SHISA9: variants seen among roughly 807,000 people sequenced by gnomAD.
SHISA9 encodes the protein protein shisa-9.
In SHISA9, 13 loss-of-function variants were observed where a neutral mutation model predicts 38.0. The observed-to-expected ratio is 0.34, with a 90% CI of 0.22 to 0.54. The LOEUF (loss-of-function observed/expected upper bound fraction) is 0.54, where lower values mean the gene tolerates loss of function less well. SHISA9 is among the 20% of genes least tolerant of loss of function. The pLI is 0.91. For synonymous variants in SHISA9, 275 were observed against 242.0 expected (o/e 1.14, Z -1.27); for missense variants, 538 against 575.8 (o/e 0.93, Z 0.67).
the SHISA9 span, among the ~76,000 whole-genome samples, chr16:13,449,855 G>A: frequency 6.6e-6 from 1 of 152,182 alleles, no homozygotes; most frequent in African/African-American, 2.4e-5. Context: ...TGTGGCTCAT[G>A]CCTGTAATCC....
intron 2 of SHISA9, among the ~76,000 whole-genome samples, chr16:13,019,939 C>T (rs1470073939): frequency 8.8e-5 from 8 of 90,672 alleles, no homozygotes; most frequent in Non-Finnish European, 1.7e-4. Context: ...TTCTTTCTTT[C>T]TTTCTTTCTT....
intron 2 of SHISA9, among the ~76,000 whole-genome samples, chr16:13,045,597 T>TGAGGGAGAGGGAGAGGGAGAGGGA (rs56045222): frequency 2.1e-5 from 3 of 143,632 alleles, no homozygotes; most frequent in Admixed American, 1.4e-4. Flanking sequence ...TTACAGATGA[T>TGAGGGAGAGGGAGAGGGAGAGGGA]GAGGGAGAGG....
At chr16:12,936,843 C>T (rs141985860) in intron 2 of SHISA9, among the ~76,000 whole-genome samples, 1 of 152,226 alleles carries the variant, frequency 6.6e-6, no homozygotes, top group Non-Finnish European at 1.5e-5. Flanking sequence ...TGCCATATGG[C>T]TCCTGCTTGT....
intron 2 of SHISA9, among the ~76,000 whole-genome samples, chr16:13,024,162 C>T (rs1449561052): frequency 6.6e-6 from 1 of 152,204 alleles, no homozygotes; most frequent in Admixed American, 6.5e-5. Context: ...ACAGGTAGCT[C>T]AAGCACCTAC....
At chr16:13,551,102 C>T in the SHISA9 span, among the ~76,000 whole-genome samples, 4 of 148,956 alleles carry the variant, frequency 2.7e-5, no homozygotes, top group East Asian at 2.0e-4. Flanking sequence ...CCAGCCTGGG[C>T]GACAGTGAGA....
intron 2 of SHISA9, among the ~76,000 whole-genome samples, chr16:12,958,289 G>A (rs996491529): frequency 1.3e-5 from 2 of 152,216 alleles, no homozygotes; most frequent in Non-Finnish European, 2.9e-5. Flanking sequence ...CATCTAGGTT[G>A]CTTTCCATTT....
At chr16:13,342,045 C>T in the SHISA9 span, among the ~76,000 whole-genome samples, 2 of 152,226 alleles carry the variant, frequency 1.3e-5, no homozygotes, top group African/African-American at 2.4e-5. Flanking sequence ...CCAAATCTAC[C>T]CACTTCCTCC....
At chr16:13,470,885 AATGAGACCTGAAGACAAGG>A in the SHISA9 span, among the ~76,000 whole-genome samples, 1 of 152,212 alleles carries the variant, frequency 6.6e-6, no homozygotes, top group Middle Eastern at 3.4e-3. Context: ...TTGCCCCCAA[AATGAGACCTGAAGACAAGG>A]ACTTTAGCAC....
rs562431860 is a variant in SHISA9 at position 12,998,592 on chromosome 16, C to T, written c.691+81777C>T. Among the ~76,000 whole-genome samples the T allele has an allele frequency of 1.7e-3, 258 of 152,206 alleles. 1 individual carries two copies. The highest frequency in any genetic ancestry group is 0.014 in the Middle Eastern group (4 of 294). On this transcript the variant is annotated intron_variant, in intron 2 of 4. Coordinates refer to ENST00000558583, the MANE Select transcript of SHISA9 (RefSeq NM_001145204.3). ...TTGGCTAGGCTGGAGTGCAGTGGTG[C>T]GATCGTGGCTCATGGAAATCTCTAC...
At chr16:13,258,735 T>G in the SHISA9 span, among the ~76,000 whole-genome samples, 3,002 of 152,296 alleles carry the variant, frequency 0.02, 109 homozygotes, top group African/African-American at 0.068. Flanking sequence ...CAGAAGCCCC[T>G]GATAAACCCA....
At chr16:13,432,680 A>G in the SHISA9 span, among the ~76,000 whole-genome samples, 3 of 152,190 alleles carry the variant, frequency 2.0e-5, no homozygotes, top group Admixed American at 2.0e-4. Flanking sequence ...AAAGGCATAT[A>G]AGTGATTATA....
chr16:13,233,051 G>A (rs771101106), intron 4 of SHISA9, among the ~76,000 whole-genome samples: 7 of 152,136 alleles, frequency 4.6e-5, no homozygotes, highest in Non-Finnish European at 5.9e-5. Context: ...AAAAAAACAT[G>A]TTTTGGGGTA....
the SHISA9 span, among the ~76,000 whole-genome samples, chr16:13,553,021 A>G: frequency 8.5e-5 from 13 of 152,114 alleles, no homozygotes; most frequent in East Asian, 5.8e-4. Flanking sequence ...GGCCTCTGCA[A>G]TCTAGATGCC....
the SHISA9 span, among the ~76,000 whole-genome samples, chr16:13,535,281 A>C: frequency 6.6e-6 from 1 of 151,946 alleles, no homozygotes; most frequent in Non-Finnish European, 1.5e-5. Flanking sequence ...TTCCAACTCA[A>C]CTCTCCAGTT....
intron 2 of SHISA9, among the ~76,000 whole-genome samples, chr16:13,134,457 A>AG (rs2050331025): frequency 6.6e-6 from 1 of 152,020 alleles, no homozygotes; most frequent in South Asian, 2.1e-4. Context: ...GGGAGAGAGG[A>AG]GGGGTTATTT....
At chr16:13,074,639 T>TTTTTC (rs1426501117) in intron 2 of SHISA9, among the ~76,000 whole-genome samples, 4 of 152,012 alleles carry the variant, frequency 2.6e-5, no homozygotes, top group African/African-American at 4.8e-5. Context: ...TACTATTATT[T>TTTTTC]TTTTCTTTTC....
rs972596153 is a variant in SHISA9, at chr16:13,160,125, G to T, written c.692-43269G>T. Among the ~76,000 whole-genome samples, 3 of 152,208 alleles carry T rather than the reference G, an allele frequency of 2.0e-5. No individual in the cohort carries two copies. In the South Asian group the frequency reaches 6.2e-4, roughly 31 times the overall value. On this transcript the variant is annotated intron_variant, in intron 2 of 4. Transcript: ENST00000558583. ...GTCAATGAGGTGCCTTCTAAGAAAG[G>T]CTGAGCCATATGAAGGCCTAGGGAA...
At chr16:13,001,245 G>C (rs1461372168) in intron 2 of SHISA9, among the ~76,000 whole-genome samples, 1 of 152,154 alleles carries the variant, frequency 6.6e-6, no homozygotes, top group Non-Finnish European at 1.5e-5. Flanking sequence ...TTCTTTTTGA[G>C]ATGCAACTTT....
In SHISA9 at chr16:13,153,401, A is replaced by G. The variant is rs28650832; in HGVS notation, c.692-49993A>G. The stretch of plus-strand genomic sequence containing the variant: ...AGGGATGGAGAATTGGAGAATCACA[A>G]TTAGTTCCAAGGCCTAGCTCAGAGG... On this transcript the variant is annotated intron_variant, in intron 2 of 4. Transcript: ENST00000558583. Among the ~76,000 whole-genome samples, 1,135 of 152,322 alleles carry G rather than the reference A, an allele frequency of 7.5e-3. 19 individuals are homozygous for G. Among genetic ancestry groups the G allele is most frequent in the African/African-American group, 0.025 (1,052 of 41,562 alleles).
Sources: allele counts gnomAD v4.1 joint callset (sites outside exome capture counted in the v4.1 genomes callset), GRCh38; gene constraint gnomAD v4.1.1; transcripts MANE v1.5; gene names NCBI Gene and HGNC (gene_info 2026-07-23, HGNC 2026-07-21).